The following OSBP2 variants were observed in gnomAD, a reference collection of about 807,000 sequenced individuals.
OSBP2 encodes oxysterol binding protein 2.
In OSBP2, 66 loss-of-function variants were observed where a neutral mutation model predicts 96.0. That is an observed-to-expected ratio of 0.69 (90% CI 0.56 to 0.84). The LOEUF (loss-of-function observed/expected upper bound fraction) is 0.84. Among genes scored for constraint, OSBP2 ranks in the 40% least tolerant of loss-of-function variants. The pLI, the probability that OSBP2 is intolerant of heterozygous loss-of-function variation, is 0.00. For missense variants in OSBP2, 1,038 were observed against 1,222.7 expected (o/e 0.85, Z 2.25); for synonymous variants, 525 against 520.9 (o/e 1.01, Z -0.11).
rs570804046 is a variant in OSBP2 at position 30,881,475 on chromosome 22, C to T, written c.1108-5951C>T. Among the ~76,000 whole-genome samples the T allele has an allele frequency of 5.9e-5, 9 of 152,250 alleles. No homozygotes were observed. The East Asian group carries it at 7.7e-4, about 13-fold the overall frequency. ...GCGGGTAGGGGGCTTCAGGTCAGCCCGTCTCTCCTCCTGCTCACAGCTGAG... is the reference window on the plus strand; with the variant it reads ...GCGGGTAGGGGGCTTCAGGTCAGCCTGTCTCTCCTCCTGCTCACAGCTGAG... On this transcript the variant is annotated intron_variant, in intron 3 of 13. Coordinates refer to ENST00000332585, the MANE Select transcript of OSBP2 (RefSeq NM_030758.4). This position sits in a 1 kb window ranked among gnomAD's most constrained non-coding sequence, Gnocchi z 4.5.
At chr22:30,808,614 G>A (rs138810839) in intron 2 of OSBP2, among the ~76,000 whole-genome samples, 1 of 152,302 alleles carries the variant, frequency 6.6e-6, no homozygotes, top group African/African-American at 2.4e-5. Context: ...GATGTCTTTT[G>A]GGTGATTCCT....
chr22:30,893,325 G>A, intron 9 of OSBP2, 83 bp downstream of exon 9: 1 of 1,593,884 alleles, frequency 6.3e-7, no homozygotes, highest in Non-Finnish European at 8.6e-7. Context: ...AAGCCAGCTG[G>A]GGGCTTCCAA....
At chr22:30,714,243 CT>C (rs1446920517) in intron 1 of OSBP2, among the ~76,000 whole-genome samples, 1 of 152,110 alleles carries the variant, frequency 6.6e-6, no homozygotes, top group African/African-American at 2.4e-5. Flanking sequence ...AGATTTCATT[CT>C]TTTTTAATGG....
At chr22:30,783,868 T>C (rs1355059258) in intron 2 of OSBP2, among the ~76,000 whole-genome samples, 1 of 152,206 alleles carries the variant, frequency 6.6e-6, no homozygotes, top group Non-Finnish European at 1.5e-5. Flanking sequence ...CAATGCCTAG[T>C]TAGGTAAACC....
intron 1 of OSBP2, among the ~76,000 whole-genome samples, chr22:30,727,978 G>A (rs2089679727): frequency 6.6e-6 from 1 of 151,776 alleles, no homozygotes; most frequent in South Asian, 2.1e-4. Context: ...GGTGGTGCGT[G>A]TCTGTAGTCC....
chr22:30,876,301 C>G (rs1323791899), intron 3 of OSBP2, among the ~76,000 whole-genome samples: 1 of 152,210 alleles, frequency 6.6e-6, no homozygotes, highest in Non-Finnish European at 1.5e-5. Context: ...ACCTGCCCAC[C>G]CAGTTATCCT....
intron 2 of OSBP2, among the ~76,000 whole-genome samples, chr22:30,851,501 C>T (rs972606369): frequency 2.6e-4 from 39 of 152,104 alleles, no homozygotes; most frequent in African/African-American, 9.2e-4. Flanking sequence ...TTCTTTAGGG[C>T]TTTCTAACAC....
At chr22:30,891,579 GGCTGCA>G (rs757984369) in intron 8 of OSBP2, among the ~76,000 whole-genome samples, 2 of 152,234 alleles carry the variant, frequency 1.3e-5, no homozygotes, top group Non-Finnish European at 2.9e-5. Flanking sequence ...TAGTTGAAGA[GGCTGCA>G]GCTGCTGCAA....
In OSBP2 at chr22:30,906,040, G is replaced by A. The variant is rs1176271368; in HGVS notation, c.2579G>A (p.Gly860Glu). 8 of 1,566,504 alleles carry A rather than the reference G, an allele frequency of 5.1e-6. No individual in the cohort carries two copies. Among genetic ancestry groups the A allele is most frequent in the Non-Finnish European group, 6.9e-6 (8 of 1,157,778 alleles). ...CGGCGCCGGCGGCTGGAGGCCTGCG[G>A]GCCGGGCAGCAGCTGCAGCTCGGAG... ...LSRRRRLEACGPGSSCSSEEE... is the reference protein window; with the variant it reads ...LSRRRRLEACEPGSSCSSEEE... Residue 860 changes from glycine (G) to glutamate (E), a missense_variant, in exon 13 of 14, where the codon GGG (glycine) becomes GAG (glutamate). Gly to Glu is a moderately conservative substitution (Grantham distance 98). Around this residue, in one of 3 missense-constraint regions of OSBP2, gnomAD observed 737 missense variants for 913.3 expected, o/e 0.81. Coordinates refer to ENST00000332585, the MANE Select transcript of OSBP2 (RefSeq NM_030758.4).
Position 30,727,074 on chromosome 22 carries a change from C to A in OSBP2, c.645-14087C>A, listed in dbSNP as rs570670908. On this transcript the variant is annotated intron_variant, in intron 1 of 13. Transcript: ENST00000332585. ...GTGGGCCTGGCTTTGGTGGCTGTGT[C>A]CTGTGGAGCCCCAGCCTATGCATGT... 9.2e-5 allele frequency among the ~76,000 whole-genome samples: 14 copies of A among 152,208 alleles called. No homozygotes were observed. In the South Asian group the frequency reaches 2.9e-3, roughly 32 times the overall value.
At chr22:30,861,178 A>G (rs1183889383) in intron 2 of OSBP2, among the ~76,000 whole-genome samples, 2 of 152,170 alleles carry the variant, frequency 1.3e-5, no homozygotes, top group African/African-American at 4.8e-5. Context: ...AGAAGTCATA[A>G]GACTCAGCCC....
At chr22:30,724,710 C>T (rs562669209) in intron 1 of OSBP2, among the ~76,000 whole-genome samples, 1 of 152,344 alleles carries the variant, frequency 6.6e-6, no homozygotes, top group South Asian at 2.1e-4. Context: ...CCTAACACAT[C>T]TTGCTATGAG....
chr22:30,851,345 C>T (rs952149239), intron 2 of OSBP2, among the ~76,000 whole-genome samples: 4 of 152,110 alleles, frequency 2.6e-5, no homozygotes, highest in African/African-American at 7.2e-5. Flanking sequence ...CATAAGCCAC[C>T]GTCCATGGCC....
At chr22:30,889,339 C>T in intron 6 of OSBP2, 105 bp downstream of exon 6, 1 of 1,416,444 alleles carries the variant, frequency 7.1e-7, no homozygotes, top group South Asian at 1.2e-5. Flanking sequence ...CAGGCCCATG[C>T]CCCAGTCCAG....
At chr22:30,790,246 T>G (rs1456326971) in intron 2 of OSBP2, among the ~76,000 whole-genome samples, 2 of 152,102 alleles carry the variant, frequency 1.3e-5, no homozygotes, top group Admixed American at 1.3e-4. Flanking sequence ...CAGGAAAGAC[T>G]TTGAATCTGC....
At chr22:30,754,709 C>T (rs571681852) in intron 2 of OSBP2, among the ~76,000 whole-genome samples, 3 of 152,282 alleles carry the variant, frequency 2.0e-5, no homozygotes, top group African/African-American at 7.2e-5. Flanking sequence ...CCCCGCCGGC[C>T]TCATCTTGGG....
At position 30,757,450 on chromosome 22, in the gene OSBP2, C is replaced by T. The variant is rs2090155754; in HGVS notation, c.853+16081C>T. Among the ~76,000 whole-genome samples, 10 of 151,396 alleles carry T rather than the reference C, an allele frequency of 6.6e-5. No individual in the cohort carries two copies. In the Admixed American group the frequency reaches 6.6e-4, roughly 10 times the overall value. The stretch of plus-strand genomic sequence containing the variant: ...TTTTCTTTTTTTTTTGAGACAGAGT[C>T]TCTGTCGCCCAAGCTGGAGTACAAT... On this transcript the variant is annotated intron_variant, in intron 2 of 13. Transcript: ENST00000332585.
intron 2 of OSBP2, among the ~76,000 whole-genome samples, chr22:30,804,915 GT>G (rs1052943343): frequency 2.6e-5 from 4 of 152,116 alleles, no homozygotes; most frequent in Admixed American, 1.3e-4. Context: ...CATCGTTTTT[GT>G]TTTGGGAAAA....
chr22:30,859,823 C>T (rs1207470236), intron 2 of OSBP2, among the ~76,000 whole-genome samples: 2 of 152,240 alleles, frequency 1.3e-5, no homozygotes, highest in Non-Finnish European at 2.9e-5. Flanking sequence ...AGTTTAATTT[C>T]CCGAGATGTC....
Sources: allele counts gnomAD v4.1 joint callset (sites outside exome capture counted in the v4.1 genomes callset), GRCh38; gene constraint gnomAD v4.1.1; regional missense constraint gnomAD v4.1.1; non-coding constraint Gnocchi (gnomAD v3.1); transcripts MANE v1.5; gene names NCBI Gene and HGNC (gene_info 2026-07-23, HGNC 2026-07-21).